Variants in FGF12 observed in about 807,000 individuals in gnomAD.
FGF12 encodes fibroblast growth factor 12B.
FGF12 carries 14 observed loss-of-function variants against 23.6 expected under a neutral mutation model. That is an observed-to-expected ratio of 0.59 (90% CI 0.39 to 0.93). The LOEUF is 0.93. Ranked by LOEUF, FGF12 falls within the 40% of genes least tolerant of loss-of-function variation. The probability of loss-of-function intolerance (pLI) is 0.00; values close to 1 mark genes in which losing one functional copy is unlikely to be tolerated. For missense variants in FGF12, 175 were observed against 217.8 expected, an observed-to-expected ratio of 0.80 and a Z score of 1.24; for synonymous variants, 62 against 77.3, an observed-to-expected ratio of 0.80 and a Z score of 1.04.
At chr3:192,339,395 C>T (rs1406667118) in intron 3 of FGF12, among the ~76,000 whole-genome samples, 1 of 152,140 alleles carries the variant, frequency 6.6e-6, no homozygotes, top group Non-Finnish European at 1.5e-5. Context: ...CCCTTGCATC[C>T]TCTTAAGCCA....
intron 2 of FGF12, among the ~76,000 whole-genome samples, chr3:192,582,393 T>C (rs997268342): frequency 1.3e-5 from 2 of 152,198 alleles, no homozygotes; most frequent in Admixed American, 1.3e-4. Context: ...TCACGTTCAC[T>C]CATTGTTATT....
At chr3:192,713,382 A>C (rs1718757211) in intron 2 of FGF12, among the ~76,000 whole-genome samples, 1 of 152,208 alleles carries the variant, frequency 6.6e-6, no homozygotes, top group Admixed American at 6.5e-5. Context: ...AGAGGAAAAA[A>C]TGGGAGAGAG....
intron 4 of FGF12, among the ~76,000 whole-genome samples, chr3:192,281,763 A>C (rs1522268): frequency 0.37 from 55,882 of 151,814 alleles, 11,350 homozygotes; most frequent in East Asian, 0.9. Context: ...TACCTAAAAC[A>C]TAACAAATAT....
rs1313976373 is a variant in FGF12 at position 192,167,761 on chromosome 3, ATATATATAAAAT to A, written c.427+2685_427+2696del. On this transcript the variant is annotated intron_variant, in intron 5 of 5. Transcript: ENST00000445105. The stretch of plus-strand genomic sequence containing the variant: ...TATATATATATATATATATATATAT[ATATATATAAAAT>A]TTTTTTTTTTTTTTTTTTTTGAGAA... Among the ~76,000 whole-genome samples the A allele has an allele frequency of 1.4e-3, 48 of 33,454 alleles. 4 individuals carry two copies. The highest frequency in any genetic ancestry group is 6.6e-3 in the African/African-American group (47 of 7,114). The allele number at this position is 33,454 out of a possible 152,430, so 21.9% of individuals were successfully genotyped here.
chr3:192,690,340 T>A (rs749791184), intron 2 of FGF12, among the ~76,000 whole-genome samples: 4 of 151,954 alleles, frequency 2.6e-5, no homozygotes, highest in Non-Finnish European at 5.9e-5. Flanking sequence ...TTGAAATAAC[T>A]ACAGCTACAT....
At chr3:192,311,891 G>A (rs537010400) in intron 4 of FGF12, among the ~76,000 whole-genome samples, 1 of 151,754 alleles carries the variant, frequency 6.6e-6, no homozygotes, top group Non-Finnish European at 1.5e-5. Context: ...GATGGCTAAT[G>A]GTGTTGAGTA....
At chr3:192,660,325 A>C (rs1577105314) in intron 2 of FGF12, among the ~76,000 whole-genome samples, 2 of 132,788 alleles carry the variant, frequency 1.5e-5, no homozygotes, top group East Asian at 4.9e-4. Context: ...ACACACGGAC[A>C]CAAGAAGGGG....
chr3:192,533,413 G>T (rs1013264889), intron 2 of FGF12, among the ~76,000 whole-genome samples: 1 of 151,986 alleles, frequency 6.6e-6, no homozygotes, highest in African/African-American at 2.4e-5. Flanking sequence ...ATGTATGTTG[G>T]GGCCTGCACC....
chr3:192,237,667 T>A (rs1319292120), intron 4 of FGF12, among the ~76,000 whole-genome samples: 7 of 152,224 alleles, frequency 4.6e-5, no homozygotes, highest in Non-Finnish European at 1.0e-4. Context: ...CTGGAGTCAA[T>A]TTTTCATCTC....
intron 2 of FGF12, among the ~76,000 whole-genome samples, chr3:192,666,123 A>G (rs535181205): frequency 2.5e-4 from 38 of 152,246 alleles, no homozygotes; most frequent in Non-Finnish European, 4.9e-4. Context: ...TGATAACAAT[A>G]GCTCTCAATT....
At chr3:192,679,555 G>C (rs1471973738) in intron 2 of FGF12, among the ~76,000 whole-genome samples, 1 of 151,994 alleles carries the variant, frequency 6.6e-6, no homozygotes, top group Non-Finnish European at 1.5e-5. Flanking sequence ...GCAGTGAGCT[G>C]TGATTGTGCC....
chr3:192,464,165 G>A (rs1560118988), intron 2 of FGF12, among the ~76,000 whole-genome samples: 3 of 152,216 alleles, frequency 2.0e-5, no homozygotes, highest in East Asian at 3.9e-4. Flanking sequence ...AGGTCTGGGG[G>A]GAACATGTGG....
chr3:192,557,315 A>C (rs2108591204), intron 2 of FGF12, among the ~76,000 whole-genome samples: 1 of 151,990 alleles, frequency 6.6e-6, no homozygotes, highest in South Asian at 2.1e-4. Context: ...GTATGAAAAA[A>C]ACAGATAAGT....
At chr3:192,579,127 T>C (rs926771672) in intron 2 of FGF12, among the ~76,000 whole-genome samples, 2 of 152,220 alleles carry the variant, frequency 1.3e-5, no homozygotes, top group African/African-American at 4.8e-5. Flanking sequence ...TAGACAATGG[T>C]CTTTAAAATA....
At chr3:192,352,842 G>T (rs561485888) in intron 3 of FGF12, among the ~76,000 whole-genome samples, 49 of 152,072 alleles carry the variant, frequency 3.2e-4, no homozygotes, top group Non-Finnish European at 7.1e-4. Context: ...CAGATTACTT[G>T]GACCCAAATT....
rs563053939 is a variant in FGF12 at position 192,386,755 on chromosome 3, A to C, written c.14-26217T>G. 2.2e-4 allele frequency among the ~76,000 whole-genome samples: 34 copies of C among 152,354 alleles called. No individual in the cohort carries two copies. The East Asian group carries it at 5.6e-3, about 25-fold the overall frequency. On this transcript the variant is annotated intron_variant, in intron 2 of 5. Coordinates refer to ENST00000445105, the MANE Select transcript of FGF12 (RefSeq NM_004113.6). ...ATGAATTGAGTAGGTGAAGAAATCA[A>C]ACTATTTCTGACCTACCTAATAAAA...
chr3:192,624,999 G>A (rs1715110673), intron 2 of FGF12, among the ~76,000 whole-genome samples: 1 of 152,004 alleles, frequency 6.6e-6, no homozygotes, highest in South Asian at 2.1e-4. Flanking sequence ...TAACAAGCTT[G>A]GGAAATAGTC....
At chr3:192,515,663 G>T (rs1272449443) in intron 2 of FGF12, among the ~76,000 whole-genome samples, 2 of 152,166 alleles carry the variant, frequency 1.3e-5, no homozygotes, top group Non-Finnish European at 2.9e-5. Context: ...GAGCTAGAAG[G>T]GACAGAGGGA....
At chr3:192,454,958 C>T (rs993562381) in intron 2 of FGF12, among the ~76,000 whole-genome samples, 19 of 152,082 alleles carry the variant, frequency 1.2e-4, no homozygotes, top group Admixed American at 1.2e-3. Flanking sequence ...TCCACTTTCT[C>T]TAATAATTAT....
Sources: allele counts gnomAD v4.1 joint callset (sites outside exome capture counted in the v4.1 genomes callset), GRCh38; gene constraint gnomAD v4.1.1; transcripts MANE v1.5; gene names NCBI Gene and HGNC (gene_info 2026-07-23, HGNC 2026-07-21).